The following ANK2 variants were observed in gnomAD, a reference collection of about 807,000 sequenced individuals.
ANK2 encodes the protein ankyrin-2.
Under a neutral mutation model 360.5 loss-of-function variants are expected in ANK2, and 83 were observed. The observed-to-expected ratio is 0.23, with a 90% CI of 0.19 to 0.28. The LOEUF is 0.28. Ranked by LOEUF, ANK2 falls within the 10% of genes least tolerant of loss-of-function variation. The pLI, the probability that ANK2 is intolerant of heterozygous loss-of-function variation, is 1.00. For missense variants in ANK2, 4,201 were observed against 4,795.7 expected, an observed-to-expected ratio of 0.88 and a Z score of 3.66; for synonymous variants, 1,740 against 1,759.5, an observed-to-expected ratio of 0.99 and a Z score of 0.28.
intron 2 of ANK2, among the ~76,000 whole-genome samples, chr4:113,021,886 T>C (rs2058267130): frequency 6.6e-6 from 1 of 152,138 alleles, no homozygotes; most frequent in Non-Finnish European, 1.5e-5. Context: ...ATAACGAAAG[T>C]AATGCTTAAA....
intron 2 of ANK2, among the ~76,000 whole-genome samples, chr4:112,957,617 G>A (rs1355568612): frequency 4.2e-5 from 6 of 141,364 alleles, no homozygotes; most frequent in South Asian, 2.4e-4. Context: ...CTCACCTCCC[G>A]GACGGGGCGG....
At chr4:113,102,936 G>GT (rs1562084315) in intron 1 of ANK2, among the ~76,000 whole-genome samples, 1 of 151,884 alleles carries the variant, frequency 6.6e-6, no homozygotes, top group African/African-American at 2.4e-5. Flanking sequence ...ATAGAAAAGT[G>GT]TAACACAGGG....
At position 113,356,256 on chromosome 4, in the gene ANK2, C is replaced by A. The variant is rs569162976; in HGVS notation, c.7638C>A (p.Val2546=). 1 of 1,614,016 alleles carries A rather than the reference C, an allele frequency of 6.2e-7. No individual in the cohort carries two copies. Among genetic ancestry groups the A allele is most frequent in the South Asian group, 1.1e-5 (1 of 91,066 alleles). ...CTGACACCCCCAGCTCTGAAGAAGT[C>A]AGCTATGAGGTTACACCCAAAACCA... ...LSPDTPSSEE[V]SYEVTPKTTD... Residue 2546 remains valine (V), a synonymous_variant, in exon 38 of 46, where the codon GTC becomes GTA. Coordinates refer to ENST00000357077, the MANE Select transcript of ANK2 (RefSeq NM_001148.6).
the ANK2 span, among the ~76,000 whole-genome samples, chr4:112,769,240 A>G: frequency 6.6e-6 from 1 of 152,192 alleles, no homozygotes; most frequent in Non-Finnish European, 1.5e-5. Flanking sequence ...CATGGTGATC[A>G]TAGAAAACTA....
At chr4:113,378,270 T>C in intron 45 of ANK2, 1 of 478,516 alleles carries the variant, frequency 2.1e-6, no homozygotes, top group Non-Finnish European at 3.5e-6. Flanking sequence ...TCCCTACATC[T>C]ACCCTAAAGA....
At chr4:113,203,762 G>T (rs1438754455) in intron 4 of ANK2, among the ~76,000 whole-genome samples, 1 of 152,048 alleles carries the variant, frequency 6.6e-6, no homozygotes, top group African/African-American at 2.4e-5. Context: ...TTGAGACTCA[G>T]GTGGCTCATT....
At chr4:113,234,865 A>C (rs1436805982) in intron 5 of ANK2, among the ~76,000 whole-genome samples, 1 of 152,186 alleles carries the variant, frequency 6.6e-6, no homozygotes, top group African/African-American at 2.4e-5. Context: ...AAGCTACCAA[A>C]CTTTAATATG....
At chr4:113,264,865 T>C (rs963130689) in intron 13 of ANK2, 32 bp from the exon 14 acceptor site, 15 of 1,550,212 alleles carry the variant, frequency 9.7e-6, no homozygotes, top group African/African-American at 8.2e-5. Flanking sequence ...GGTGGGTTAA[T>C]TTATGATTTG....
chr4:113,140,310 T>C (rs2096591125), intron 1 of ANK2, among the ~76,000 whole-genome samples: 1 of 152,158 alleles, frequency 6.6e-6, no homozygotes, highest in African/African-American at 2.4e-5. Flanking sequence ...ATAAACGCAT[T>C]TGAGTGAAAC....
the ANK2 span, among the ~76,000 whole-genome samples, chr4:112,730,618 C>G: frequency 1.6e-5 from 1 of 61,070 alleles, no homozygotes; most frequent in Non-Finnish European, 2.8e-5. Flanking sequence ...GCCTGGGCAA[C>G]AAAGTGAGAC....
At chr4:113,178,618 G>A (rs1006039251) in intron 2 of ANK2, among the ~76,000 whole-genome samples, 2 of 151,516 alleles carry the variant, frequency 1.3e-5, no homozygotes, top group South Asian at 2.1e-4. Flanking sequence ...GTCTCATGCT[G>A]GTTCTGTATT....
chr4:113,123,082 A>T (rs1025495508), intron 1 of ANK2, among the ~76,000 whole-genome samples: 2 of 151,894 alleles, frequency 1.3e-5, no homozygotes, highest in Non-Finnish European at 2.9e-5. Context: ...AGAAAATTTT[A>T]ATTGAAAAAA....
chr4:113,111,440 G>A (rs11731561), intron 1 of ANK2, among the ~76,000 whole-genome samples: 30,613 of 152,034 alleles, frequency 0.2, 3,186 homozygotes, highest in African/African-American at 0.22. Flanking sequence ...GCACACAAAA[G>A]CATCCTCAGT....
At chr4:113,069,186 C>T (rs759515043) in intron 1 of ANK2, among the ~76,000 whole-genome samples, 3 of 152,124 alleles carry the variant, frequency 2.0e-5, no homozygotes, top group Admixed American at 6.6e-5. Context: ...AAGGAGAGAG[C>T]TGCTGGGCAG....
intron 1 of ANK2, chr4:113,160,456 T>C (rs985724374): frequency 1.2e-5 from 3 of 260,150 alleles, no homozygotes; most frequent in African/African-American, 2.3e-5. Context: ...CTAATCAAGG[T>C]TTGAAACCAA....
At chr4:113,096,479 C>T (rs1236804569) in intron 1 of ANK2, among the ~76,000 whole-genome samples, 1 of 152,132 alleles carries the variant, frequency 6.6e-6, no homozygotes, top group African/African-American at 2.4e-5. Context: ...ACCTCACAGC[C>T]TGAGCTGATG....
chr4:113,154,302 C>T (rs563813444), intron 1 of ANK2, among the ~76,000 whole-genome samples: 1 of 152,252 alleles, frequency 6.6e-6, no homozygotes, highest in African/African-American at 2.4e-5. Flanking sequence ...ATTGTTTAAC[C>T]TTGTCAATTT....
In ANK2 at chr4:113,354,107, A is replaced by G. The variant is rs770168392; in HGVS notation, c.5489A>G (p.His1830Arg). ...PGSPSPKTER[H>R]STLSSSAKTE... ...TCTCCCTCCCCTAAAACAGAAAGAC[A>G]CTCTACTCTTTCCTCTTCCGCAAAA... The change falls in exon 38 of 46, where the codon CAC becomes CGC. Residue 1830 changes from histidine to arginine, a missense_variant. By Grantham distance (29) the His-to-Arg change is conservative (BLOSUM62 0). This residue lies in a region of ANK2 where 2,642 missense variants were observed against 2,714.5 expected (regional missense o/e 0.97). Transcript: ENST00000357077. 5.6e-6 allele frequency: 9 copies of G among 1,613,604 alleles called. No homozygotes were observed. In the Admixed American group the frequency reaches 1.5e-4, roughly 27 times the overall value.
chr4:113,230,740 G>T (rs1405096645), intron 4 of ANK2, among the ~76,000 whole-genome samples: 1 of 152,050 alleles, frequency 6.6e-6, no homozygotes, highest in Non-Finnish European at 1.5e-5. Flanking sequence ...AAGAAAATTT[G>T]CCCATTCAAA....
Sources: gnomAD v4.1 joint callset for allele counts (sites outside exome capture counted in the v4.1 genomes callset) on GRCh38, gnomAD v4.1.1 for gene constraint, gnomAD v4.1.1 regional missense constraint, MANE v1.5 for transcripts, NCBI Gene and HGNC (gene_info 2026-07-23, HGNC 2026-07-21) for gene names.